Variants in XXYLT1 observed in about 807,000 individuals in gnomAD.
The protein encoded by XXYLT1 is xyloside xylosyltransferase 1, also known as UDP-xylose:alpha-xyloside alpha-1,3-xylosyltransferase.
XXYLT1 carries 20 observed loss-of-function variants against 28.9 expected under a neutral mutation model. The observed-to-expected ratio is 0.69, with a 90% CI of 0.49 to 1.00. The LOEUF (loss-of-function observed/expected upper bound fraction) is 1.00, where lower values mean the gene tolerates loss of function less well. Ranked by LOEUF, XXYLT1 falls within the 50% of genes least tolerant of loss-of-function variation. XXYLT1 has a pLI of 0.00. For synonymous variants in XXYLT1, 257 were observed against 253.8 expected, an observed-to-expected ratio of 1.01 and a Z score of -0.12; for missense variants, 542 against 560.1, an observed-to-expected ratio of 0.97 and a Z score of 0.33.
intron 1 of XXYLT1, among the ~76,000 whole-genome samples, chr3:195,266,423 G>A (rs1478469393): frequency 2.6e-5 from 4 of 152,010 alleles, no homozygotes; most frequent in Non-Finnish European, 5.9e-5. Context: ...GAACCCGGGA[G>A]GCAGAGGTTG....
Position 195,069,742 on chromosome 3 carries a change from G to C in XXYLT1, c.1155C>G (p.Asn385Lys). ...CEGHVKIYHG[N>K]CNTPIPED Reference sequence around the variant, plus strand: ...AGTCCTCCGGGATGGGAGTGTTGCAGTTCCCGTGGTAGATCTTGACGTGGC... The same window carrying C: ...AGTCCTCCGGGATGGGAGTGTTGCACTTCCCGTGGTAGATCTTGACGTGGC... Residue 385 changes from asparagine (N) to lysine (K), a missense_variant, in exon 4 of 4, where the codon AAC becomes AAG. Transcript: ENST00000310380. 6.2e-7 allele frequency: 1 copy of C among 1,613,716 alleles called. No individual in the cohort carries two copies. The highest frequency in any genetic ancestry group is 8.5e-7 in the Non-Finnish European group (1 of 1,179,974).
chr3:195,087,850 C>T (rs542261260), intron 3 of XXYLT1, among the ~76,000 whole-genome samples: 2 of 151,926 alleles, frequency 1.3e-5, no homozygotes, highest in African/African-American at 2.4e-5. Flanking sequence ...CGAAGCAGGG[C>T]GAGGCAAAGC....
chr3:195,211,685 C>G (rs923462140), intron 2 of XXYLT1, among the ~76,000 whole-genome samples: 1 of 152,160 alleles, frequency 6.6e-6, no homozygotes, highest in Non-Finnish European at 1.5e-5. Flanking sequence ...ACGATAAGAA[C>G]TATGAAGAGA....
At chr3:195,184,705 T>C (rs904331978) in intron 2 of XXYLT1, 50 of 985,242 alleles carry the variant, frequency 5.1e-5, no homozygotes, top group South Asian at 4.7e-4. Flanking sequence ...ACACAGCCGG[T>C]AAAACTTCCA....
rs930021089 is a variant in XXYLT1, at chr3:195,255,784, G to A, written c.504+14771C>T. Reference sequence around the variant, plus strand: ...AGTTGCTTGGCCTCTCTGGGCCCCCGTTTTCTCATGGATAACATGAATAGA... The same window carrying A: ...AGTTGCTTGGCCTCTCTGGGCCCCCATTTTCTCATGGATAACATGAATAGA... On this transcript the variant is annotated intron_variant, in intron 1 of 3. Coordinates refer to ENST00000310380, the MANE Select transcript of XXYLT1 (RefSeq NM_152531.5). The surrounding 1 kb of genome is among the most constrained non-coding windows in gnomAD (Gnocchi z 4.5). Among the ~76,000 whole-genome samples, 5 of 152,118 alleles carry A rather than the reference G, an allele frequency of 3.3e-5. No individual in the cohort carries two copies. Among genetic ancestry groups the A allele is most frequent in the Middle Eastern group, 3.2e-3 (1 of 316 alleles).
chr3:195,232,490 CT>C (rs1410104833), intron 1 of XXYLT1, among the ~76,000 whole-genome samples: 3 of 151,868 alleles, frequency 2.0e-5, no homozygotes, highest in Non-Finnish European at 4.4e-5. Flanking sequence ...TTTATTTGAA[CT>C]TTTTCTTCTT....
intron 1 of XXYLT1, among the ~76,000 whole-genome samples, chr3:195,242,466 G>A (rs1212735096): frequency 6.6e-6 from 1 of 152,150 alleles, no homozygotes; most frequent in Non-Finnish European, 1.5e-5. Flanking sequence ...TCTTGGTCTT[G>A]CGCCAACAGG....
chr3:195,096,740 A>G (rs74377922), intron 3 of XXYLT1, among the ~76,000 whole-genome samples: 4,519 of 152,322 alleles, frequency 0.03, 249 homozygotes, highest in African/African-American at 0.1. Context: ...GGCAATTAAA[A>G]TCAGAACATA....
intron 2 of XXYLT1, among the ~76,000 whole-genome samples, chr3:195,166,473 C>T (rs1158319256): frequency 1.3e-5 from 2 of 152,176 alleles, no homozygotes; most frequent in Non-Finnish European, 2.9e-5. Flanking sequence ...AACAGTACAA[C>T]ATCAAAGTCA....
At chr3:195,226,296 T>C (rs762647196) in intron 2 of XXYLT1, among the ~76,000 whole-genome samples, 2 of 152,234 alleles carry the variant, frequency 1.3e-5, no homozygotes, top group Non-Finnish European at 2.9e-5. Context: ...CATCTAGATT[T>C]GCTATTTTAA....
chr3:195,219,807 C>G (rs73067082), intron 2 of XXYLT1, among the ~76,000 whole-genome samples: 6,961 of 152,264 alleles, frequency 0.046, 561 homozygotes, highest in African/African-American at 0.16. Flanking sequence ...TGATAACACT[C>G]AGGAGGCCAG....
chr3:195,106,919 C>T (rs2108684676), intron 3 of XXYLT1, among the ~76,000 whole-genome samples: 1 of 152,198 alleles, frequency 6.6e-6, no homozygotes, highest in East Asian at 1.9e-4. Flanking sequence ...AGAGTAGACA[C>T]TTGGAGCCCT....
chr3:195,267,552 C>A (rs1277496553), intron 1 of XXYLT1, among the ~76,000 whole-genome samples: 2 of 152,196 alleles, frequency 1.3e-5, no homozygotes, highest in East Asian at 3.8e-4. Context: ...ACTGAAAAAA[C>A]AATTCCAGTA....
At chr3:195,199,328 T>C (rs957970752) in intron 2 of XXYLT1, among the ~76,000 whole-genome samples, 2 of 152,126 alleles carry the variant, frequency 1.3e-5, no homozygotes, top group Non-Finnish European at 2.9e-5. Context: ...AGAATCTTTT[T>C]GGGCCGGGCG....
rs1714650629 is a variant in XXYLT1 at position 195,068,994 on chromosome 3, C to G, written c.*721G>C. 1 of 152,138 alleles carries G rather than the reference C, an allele frequency of 6.6e-6. No individual in the cohort carries two copies. Among genetic ancestry groups the G allele is most frequent in the South Asian group, 2.1e-4 (1 of 4,828 alleles). The allele number at this position is 152,138 out of a possible 1,614,324, so 9.4% of individuals were successfully genotyped here. A position where few individuals can be genotyped will look rare whatever the true frequency, so the allele number is the denominator to read the frequency against. On this transcript the variant is annotated 3_prime_UTR_variant, in exon 4 of 4. Transcript: ENST00000310380. ...TGCTTTCTGAGTAGAGTCTGGTCACCTGGAGCTGGTTTGGTGGAATAAAGG... is the reference window on the plus strand; with the variant it reads ...TGCTTTCTGAGTAGAGTCTGGTCACGTGGAGCTGGTTTGGTGGAATAAAGG...
chr3:195,143,783 A>ATT lies in XXYLT1; in HGVS notation c.785+12664_785+12665dup, dbSNP rs1291471236. 6.2e-4 allele frequency among the ~76,000 whole-genome samples: 55 copies of ATT among 89,170 alleles called. 3 individuals are homozygous for ATT. The highest frequency in any genetic ancestry group is 4.4e-3 in the East Asian group (16 of 3,620). The allele number at this position is 89,170 out of a possible 152,430, so 58.5% of individuals were successfully genotyped here. A position where few individuals can be genotyped will look rare whatever the true frequency, so the allele number is the denominator to read the frequency against. The stretch of plus-strand genomic sequence containing the variant: ...TTGAGAGCTAACCAAATGTTCTCTC[A>ATT]TTATATATATATATATAGATAGATA... On this transcript the variant is annotated intron_variant, in intron 3 of 3. Coordinates refer to ENST00000310380, the MANE Select transcript of XXYLT1 (RefSeq NM_152531.5).
intron 2 of XXYLT1, among the ~76,000 whole-genome samples, chr3:195,163,555 G>A (rs994204711): frequency 4.6e-5 from 7 of 152,274 alleles, no homozygotes; most frequent in Non-Finnish European, 7.3e-5. Context: ...ATGTTGCAAC[G>A]TTCAAAATAC....
At chr3:195,198,584 A>G (rs1722722636) in intron 2 of XXYLT1, among the ~76,000 whole-genome samples, 1 of 152,230 alleles carries the variant, frequency 6.6e-6, no homozygotes, top group South Asian at 2.1e-4. Flanking sequence ...CGTGTAAGGT[A>G]TCATCTAACT....
At chr3:195,220,477 C>A (rs945453719) in intron 2 of XXYLT1, among the ~76,000 whole-genome samples, 1 of 152,144 alleles carries the variant, frequency 6.6e-6, no homozygotes, top group Non-Finnish European at 1.5e-5. Context: ...ACCATAGGGC[C>A]TCTTTTAAAT....
Sources: gnomAD v4.1 joint callset for allele counts (sites outside exome capture counted in the v4.1 genomes callset) on GRCh38, gnomAD v4.1.1 for gene constraint, Gnocchi (gnomAD v3.1) non-coding constraint, MANE v1.5 for transcripts, NCBI Gene and HGNC (gene_info 2026-07-23, HGNC 2026-07-21) for gene names.